Variants in UPF3A observed in about 807,000 individuals in gnomAD.
The protein encoded by UPF3A is UPF3A regulator of nonsense mediated mRNA decay.
UPF3A carries 42 observed loss-of-function variants against 53.5 expected under a neutral mutation model. The observed-to-expected ratio is 0.78, with a 90% CI of 0.61 to 1.01. The LOEUF (loss-of-function observed/expected upper bound fraction) is 1.01, where lower values mean the gene tolerates loss of function less well. UPF3A is among the 50% of genes least tolerant of loss of function. UPF3A has a pLI of 0.00. For missense variants in UPF3A, 575 were observed against 598.0 expected, an observed-to-expected ratio of 0.96 and a Z score of 0.40; for synonymous variants, 237 against 225.3, an observed-to-expected ratio of 1.05 and a Z score of -0.47.
At chr13:114,290,235 A>G (rs1056823979) in intron 5 of UPF3A, among the ~76,000 whole-genome samples, 8 of 152,074 alleles carry the variant, frequency 5.3e-5, no homozygotes, top group Non-Finnish European at 1.2e-4. Context: ...GCTCTTCCCT[A>G]CAACCACAGA....
intron 8 of UPF3A, among the ~76,000 whole-genome samples, chr13:114,300,851 T>C (rs879852001): frequency 1.3e-5 from 2 of 151,870 alleles, no homozygotes; most frequent in Non-Finnish European, 2.9e-5. Context: ...ATTTTTGTAT[T>C]TGTAGTAGAG....
chr13:114,296,583 G>C, intron 7 of UPF3A, among the ~76,000 whole-genome samples: 1 of 152,086 alleles, frequency 6.6e-6, no homozygotes, highest in East Asian at 1.9e-4. Flanking sequence ...AGTTCTGTGA[G>C]CCATTTCAGC....
intron 3 of UPF3A, among the ~76,000 whole-genome samples, chr13:114,284,640 A>G (rs1320684864): frequency 6.6e-6 from 1 of 151,938 alleles, no homozygotes; most frequent in Non-Finnish European, 1.5e-5. Context: ...CAGAGGTTGC[A>G]GTGAGCCAAG....
chr13:114,295,080 C>A (rs1406835231), intron 7 of UPF3A, among the ~76,000 whole-genome samples: 2 of 150,096 alleles, frequency 1.3e-5, no homozygotes, highest in Non-Finnish European at 3.0e-5. Flanking sequence ...CCACTGCACT[C>A]CAGCCTGGGC....
At chr13:114,300,517 C>T (rs919641798) in intron 8 of UPF3A, among the ~76,000 whole-genome samples, 11 of 151,330 alleles carry the variant, frequency 7.3e-5, no homozygotes, top group African/African-American at 2.0e-4. Flanking sequence ...TACAGGCACC[C>T]GCCACCATGC....
At chr13:114,301,284 A>C (rs553428684) in intron 8 of UPF3A, among the ~76,000 whole-genome samples, 1 of 151,886 alleles carries the variant, frequency 6.6e-6, no homozygotes, top group Non-Finnish European at 1.5e-5. Flanking sequence ...ACACAGTGAA[A>C]CCCCGTCTCT....
Position 114,281,839 on chromosome 13 carries a change from T to A in UPF3A, c.200T>A (p.Leu67Gln), listed in dbSNP as rs1390544933. The change falls in exon 1 of 10, where the codon CTG becomes CAG. Residue 67 changes from leucine to glutamine, a missense_variant. By Grantham distance (113) the Leu-to-Gln change is moderately radical. Transcript: ENST00000375299. ...GKPREEKRTA[L>Q]SKVVIRRLPP... Reference sequence around the variant, plus strand: ...CCTCGCGAGGAGAAGAGGACGGCCCTGAGCAAGGTGGGGACGGGGGCGGGG... The same window carrying A: ...CCTCGCGAGGAGAAGAGGACGGCCCAGAGCAAGGTGGGGACGGGGGCGGGG... 1.3e-6 allele frequency: 2 copies of A among 1,514,008 alleles called. No individual in the cohort carries two copies. The highest frequency in any genetic ancestry group is 1.8e-6 in the Non-Finnish European group (2 of 1,130,312). The allele number at this position is 1,514,008 out of a possible 1,614,324, so 93.8% of individuals were successfully genotyped here.
intron 7 of UPF3A, among the ~76,000 whole-genome samples, chr13:114,293,288 G>A (rs1297949280): frequency 6.6e-6 from 1 of 151,116 alleles, no homozygotes; most frequent in Non-Finnish European, 1.5e-5. Flanking sequence ...GGAGGCTGAG[G>A]CAGGAGAATC....
At chr13:114,298,411 A>G (rs1046321347) in intron 7 of UPF3A, among the ~76,000 whole-genome samples, 1 of 151,478 alleles carries the variant, frequency 6.6e-6, no homozygotes, top group African/African-American at 2.4e-5. Flanking sequence ...ATGGTGGCGC[A>G]TGCCTGTCGT....
intron 8 of UPF3A, among the ~76,000 whole-genome samples, chr13:114,300,195 T>A (rs1414167734): frequency 6.6e-6 from 1 of 152,190 alleles, no homozygotes; most frequent in Non-Finnish European, 1.5e-5. Flanking sequence ...TCATTTAATA[T>A]TCTGATAAAT....
In UPF3A at chr13:114,282,816, C is replaced by T. The variant is rs770483264; in HGVS notation, c.315-21C>T. The T allele has an allele frequency of 6.3e-6, 10 of 1,589,910 alleles. No homozygotes were observed. In the East Asian group the frequency reaches 1.1e-4, roughly 18 times the overall value. ...TATTGTATTTTTCACTGACCATTTT[C>T]ACTGTTATCTCTTATTTCAGTCTTT... On this transcript the variant is annotated intron_variant, in intron 2 of 9. Transcript: ENST00000375299.
In UPF3A at chr13:114,291,661, C is replaced by T. The variant is rs143579155; in HGVS notation, c.715C>T (p.Arg239Trp). Reference sequence around the variant, plus strand: ...AATTCGAGAAGAGAAGCGAGAAGAACGGAGGAGGAGAGAGTTAGAAAAGAA... The same window carrying T: ...AATTCGAGAAGAGAAGCGAGAAGAATGGAGGAGGAGAGAGTTAGAAAAGAA... ...QRIREEKREERRRRELEKKRL... is the reference protein window; with the variant it reads ...QRIREEKREEWRRRELEKKRL... The change falls in exon 7 of 10, where the codon CGG becomes TGG. Residue 239 changes from arginine (R) to tryptophan (W), a missense_variant. Physicochemically the swap from Arg to Trp is moderately radical, Grantham distance 101 (BLOSUM62 -3). Coordinates refer to ENST00000375299, the MANE Select transcript of UPF3A (RefSeq NM_023011.4). The T allele has an allele frequency of 8.0e-5, 128 of 1,603,334 alleles. No individual in the cohort carries two copies. The highest frequency in any genetic ancestry group is 1.4e-4 in the African/African-American group (10 of 73,386).
intron 3 of UPF3A, chr13:114,283,722 A>C: frequency 1.0e-6 from 1 of 982,620 alleles, no homozygotes; most frequent in Non-Finnish European, 1.2e-6. Context: ...CTCTACTCTC[A>C]ATAGTTCCCT....
intron 5 of UPF3A, among the ~76,000 whole-genome samples, chr13:114,288,965 C>T (rs1462371302): frequency 1.3e-5 from 2 of 152,094 alleles, no homozygotes; most frequent in African/African-American, 4.8e-5. Context: ...TTTAAATGTC[C>T]CCTTGCAAAG....
chr13:114,282,472 TC>T, intron 2 of UPF3A: 1 of 985,416 alleles, frequency 1.0e-6, no homozygotes, highest in South Asian at 4.7e-5. Context: ...CGCCGGCTCT[TC>T]CTGTGGCCTC....
rs745879648 is a variant in UPF3A, at chr13:114,286,552, G to A, written c.554G>A (p.Cys185Tyr). The A allele has an allele frequency of 3.7e-6, 6 of 1,613,778 alleles. No homozygotes were observed. Among genetic ancestry groups the A allele is most frequent in the Non-Finnish European group, 5.1e-6 (6 of 1,179,922 alleles). Reference sequence around the variant, plus strand: ...TATAAGAAGTTTTTAGAAACCTACTGTGTGGAGGAAGAGAAGACCAGTGCC... The same window carrying A: ...TATAAGAAGTTTTTAGAAACCTACTATGTGGAGGAAGAGAAGACCAGTGCC... Reference protein sequence around the residue: ...PEYKKFLETYCVEEEKTSANP... With the variant: ...PEYKKFLETYYVEEEKTSANP... Residue 185 changes from cysteine (C) to tyrosine (Y), a missense_variant, in exon 5 of 10, where the codon TGT (cysteine) becomes TAT (tyrosine). By Grantham distance (194) the Cys-to-Tyr change is radical (BLOSUM62 -2). Around this residue, in one of 2 missense-constraint regions of UPF3A, gnomAD observed 323 missense variants for 415.2 expected, o/e 0.78. Coordinates refer to ENST00000375299, the MANE Select transcript of UPF3A (RefSeq NM_023011.4).
At chr13:114,294,752 G>A (rs1237377424) in intron 7 of UPF3A, among the ~76,000 whole-genome samples, 2 of 151,902 alleles carry the variant, frequency 1.3e-5, no homozygotes, top group African/African-American at 4.8e-5. Context: ...TTGAACCTGG[G>A]AGGCAGAGGT....
chr13:114,304,960 C>T lies in UPF3A; in HGVS notation c.*43C>T. The T allele has an allele frequency of 6.3e-7, 1 of 1,590,382 alleles. No individual in the cohort carries two copies. The highest frequency in any genetic ancestry group is 8.6e-7 in the Non-Finnish European group (1 of 1,168,764). ...GCCTCCATGGACGAGCAAGGGCATC[C>T]CAGAAACGTGTAAATGACCCCGAGT... On this transcript the variant is annotated 3_prime_UTR_variant, in exon 10 of 10. Coordinates refer to ENST00000375299, the MANE Select transcript of UPF3A (RefSeq NM_023011.4).
intron 7 of UPF3A, among the ~76,000 whole-genome samples, chr13:114,294,418 T>C (rs936907916): frequency 2.6e-5 from 4 of 151,782 alleles, no homozygotes; most frequent in African/African-American, 9.7e-5. Context: ...ACATCATACC[T>C]GAATAGCTAA....
Sources: gnomAD v4.1 joint callset for allele counts (sites outside exome capture counted in the v4.1 genomes callset) on GRCh38, gnomAD v4.1.1 for gene constraint, gnomAD v4.1.1 regional missense constraint, MANE v1.5 for transcripts, NCBI Gene and HGNC (gene_info 2026-07-23, HGNC 2026-07-21) for gene names.